The following HECW1 variants were observed in gnomAD, a reference collection of about 807,000 sequenced individuals.
HECW1 encodes HECT, C2 and WW domain containing E3 ubiquitin protein ligase 1.
HECW1 carries 61 observed loss-of-function variants against 182.3 expected under a neutral mutation model. The observed-to-expected ratio is 0.33, with a 90% CI of 0.27 to 0.41. The LOEUF (loss-of-function observed/expected upper bound fraction) is 0.41. Among genes scored for constraint, HECW1 ranks in the 10% least tolerant of loss-of-function variants. HECW1 has a pLI of 1.00. For synonymous variants in HECW1, 859 were observed against 832.6 expected (o/e 1.03, Z -0.55); for missense variants, 1,739 against 2,108.9 (o/e 0.82, Z 3.44).
chr7:43,257,283 G>C (rs557914143), intron 3 of HECW1, among the ~76,000 whole-genome samples: 1 of 152,304 alleles, frequency 6.6e-6, no homozygotes, highest in South Asian at 2.1e-4. Flanking sequence ...TGATGTATTT[G>C]CTGCAGGACC....
rs1303274874 is a variant in HECW1 at position 43,374,799 on chromosome 7, A to AAAAAAAAAAAAC, written c.555+13820_555+13821insAAAAAAAAAACA. On this transcript the variant is annotated intron_variant, in intron 6 of 29. Transcript: ENST00000395891. ...AAAAAAAAAAAAAAAAAAAAAAAAA[A>AAAAAAAAAAAAC]ATAGAGAAATATAATAACCAGTGAA... 4.4e-4 allele frequency among the ~76,000 whole-genome samples: 24 copies of AAAAAAAAAAAAC among 54,062 alleles called. 2 individuals are homozygous for AAAAAAAAAAAAC. The highest frequency in any genetic ancestry group is 1.4e-3 in the South Asian group (2 of 1,452). 35.5% of individuals were successfully genotyped at this position (54,062 alleles called of 152,430 possible). A position where few individuals can be genotyped will look rare whatever the true frequency, so the allele number is the denominator to read the frequency against.
At chr7:43,219,871 T>A (rs1193859363) in intron 2 of HECW1, among the ~76,000 whole-genome samples, 1 of 152,142 alleles carries the variant, frequency 6.6e-6, no homozygotes, top group Non-Finnish European at 1.5e-5. Context: ...AGGGGTGGTA[T>A]CCTCCCTTAC....
At position 43,456,442 on chromosome 7, in the gene HECW1, C is replaced by T; in HGVS notation, c.2646C>T (p.Asn882=). 1.2e-6 allele frequency: 2 copies of T among 1,613,664 alleles called. No individual in the cohort carries two copies. Among genetic ancestry groups the T allele is most frequent in the Non-Finnish European group, 1.7e-6 (2 of 1,179,730 alleles). ...CCATCCAGCAGATGGAGCAACTCAA[C>T]AGGCGGTTGGTGATCAGTATGCAAT... ...SGSIQQMEQL[N]RRYQNIQRTI... The change falls in exon 13 of 30, where the codon AAC becomes AAT. Residue 882 remains asparagine (N), a synonymous_variant. Coordinates refer to ENST00000395891, the MANE Select transcript of HECW1 (RefSeq NM_015052.5).
intron 9 of HECW1, chr7:43,439,689 C>G (rs1444761697): frequency 6.5e-6 from 1 of 152,756 alleles, no homozygotes; most frequent in African/African-American, 2.4e-5. Context: ...CCCTCCCATG[C>G]TGAGTTCTCT....
At chr7:43,239,239 G>T (rs1319579662) in intron 2 of HECW1, 2 of 152,192 alleles carry the variant, frequency 1.3e-5, no homozygotes, top group Non-Finnish European at 2.9e-5. Context: ...TTGCAACAAA[G>T]AATAGTTTTG....
intron 2 of HECW1, among the ~76,000 whole-genome samples, chr7:43,213,602 T>C (rs997809237): frequency 2.0e-5 from 3 of 151,862 alleles, no homozygotes; most frequent in Non-Finnish European, 4.4e-5. Context: ...CCCGCCACCA[T>C]GCCCAGCTAA....
At chr7:43,521,106 T>C (rs1006882163) in intron 24 of HECW1, among the ~76,000 whole-genome samples, 8 of 152,204 alleles carry the variant, frequency 5.3e-5, no homozygotes, top group African/African-American at 1.9e-4. Context: ...CAAAAGGACA[T>C]AAGAGTGCCT....
Position 43,158,335 on chromosome 7 carries a change from G to T in HECW1, c.-32+43944G>T, listed in dbSNP as rs561239740. 7.2e-5 allele frequency among the ~76,000 whole-genome samples: 11 copies of T among 152,224 alleles called. No homozygotes were observed. The East Asian group carries it at 2.1e-3, about 29-fold the overall frequency. Reference sequence around the variant, plus strand: ...CTTATATTCATGATTTTGCTTAAGGGAATGCATTAAATTTGTTTCTTGCAT... The same window carrying T: ...CTTATATTCATGATTTTGCTTAAGGTAATGCATTAAATTTGTTTCTTGCAT... On this transcript the variant is annotated intron_variant, in intron 2 of 29. Coordinates refer to ENST00000395891, the MANE Select transcript of HECW1 (RefSeq NM_015052.5).
At chr7:43,124,055 A>G (rs375949221) in intron 2 of HECW1, among the ~76,000 whole-genome samples, 1 of 152,262 alleles carries the variant, frequency 6.6e-6, no homozygotes, top group South Asian at 2.1e-4. Context: ...GAAGGGAAGC[A>G]TCAAGCTCTA....
intron 17 of HECW1, among the ~76,000 whole-genome samples, chr7:43,488,402 A>AAGGAAG (rs1563045413): frequency 3.9e-5 from 4 of 102,666 alleles, no homozygotes; most frequent in African/African-American, 1.6e-4. Context: ...AAGGAAGGAA[A>AAGGAAG]TGAAAGAAAG....
intron 2 of HECW1, among the ~76,000 whole-genome samples, chr7:43,184,610 T>C (rs991201745): frequency 3.3e-5 from 5 of 152,136 alleles, no homozygotes; most frequent in African/African-American, 1.2e-4. Flanking sequence ...ACTTTCAGCA[T>C]TACCCCTCAA....
chr7:43,408,737 G>A (rs897595062), intron 8 of HECW1, among the ~76,000 whole-genome samples: 5 of 152,106 alleles, frequency 3.3e-5, no homozygotes, highest in Non-Finnish European at 7.4e-5. Flanking sequence ...CTGCCTCCCT[G>A]CCAGACCTGA....
At chr7:43,470,957 G>T (rs927813802) in intron 16 of HECW1, among the ~76,000 whole-genome samples, 1 of 152,232 alleles carries the variant, frequency 6.6e-6, no homozygotes, top group Non-Finnish European at 1.5e-5. Context: ...GTCCATCTCA[G>T]TCTAAATACA....
At chr7:43,258,362 A>T (rs1375042638) in intron 3 of HECW1, among the ~76,000 whole-genome samples, 1 of 125,802 alleles carries the variant, frequency 7.9e-6, no homozygotes, top group Admixed American at 7.6e-5. Flanking sequence ...AAAAATAAAA[A>T]AAATAAAAAA....
At chr7:43,373,246 G>T (rs2074189589) in intron 6 of HECW1, among the ~76,000 whole-genome samples, 3 of 132,364 alleles carry the variant, frequency 2.3e-5, no homozygotes, top group African/African-American at 8.6e-5. Flanking sequence ...GTCTCCCTCT[G>T]TTGCTCAGGC....
At chr7:43,155,693 A>T (rs1789811003) in intron 2 of HECW1, among the ~76,000 whole-genome samples, 1 of 152,222 alleles carries the variant, frequency 6.6e-6, no homozygotes, top group Non-Finnish European at 1.5e-5. Context: ...TTTTCTCTGC[A>T]GCAATTGTCT....
intron 5 of HECW1, among the ~76,000 whole-genome samples, chr7:43,338,670 T>G (rs1812588091): frequency 6.6e-6 from 1 of 152,190 alleles, no homozygotes; most frequent in Admixed American, 6.5e-5. Flanking sequence ...GTGCACAAAT[T>G]TAAGTGCAGA....
intron 11 of HECW1, 136 bp downstream of exon 11, chr7:43,445,706 A>G: frequency 9.4e-7 from 1 of 1,067,114 alleles, no homozygotes; most frequent in Non-Finnish European, 1.3e-6. Flanking sequence ...TGTCTTGTAT[A>G]TACATGTGTG....
rs1799817800 is a variant in HECW1 at position 43,249,620 on chromosome 7, C to T, written c.27+5688C>T. On this transcript the variant is annotated intron_variant, in intron 3 of 29. Coordinates refer to ENST00000395891, the MANE Select transcript of HECW1 (RefSeq NM_015052.5). ...GTGCGGTATTCAGGCTTGGTTTAAA[C>T]TAGGGCATGCACACTGCATAGCTAT... is the stretch of plus-strand genomic sequence containing the variant. 2.0e-5 allele frequency: 3 copies of T among 152,304 alleles called. No individual in the cohort carries two copies. The South Asian group carries it at 6.2e-4, about 32-fold the overall frequency. 9.4% of individuals were successfully genotyped at this position (152,304 alleles called of 1,614,324 possible).
Sources: gnomAD v4.1 joint callset for allele counts (sites outside exome capture counted in the v4.1 genomes callset) on GRCh38, gnomAD v4.1.1 for gene constraint, MANE v1.5 for transcripts, NCBI Gene and HGNC (gene_info 2026-07-23, HGNC 2026-07-21) for gene names.